The following CD2AP variants were observed in gnomAD, a reference collection of about 807,000 sequenced individuals.
CD2AP encodes CD2-associated protein.
In CD2AP, 46 loss-of-function variants were observed where a neutral mutation model predicts 85.1. The ratio of observed to expected loss-of-function variants is 0.54; its 90% CI spans 0.43 to 0.69. The LOEUF is 0.69. CD2AP is among the 30% of genes least tolerant of loss of function. CD2AP has a pLI of 0.00. For missense variants in CD2AP, 769 were observed against 729.5 expected, an observed-to-expected ratio of 1.05 and a Z score of -0.62; for synonymous variants, 255 against 252.9, an observed-to-expected ratio of 1.01 and a Z score of -0.08.
intron 17 of CD2AP, among the ~76,000 whole-genome samples, chr6:47,620,708 C>A (rs887624164): frequency 2.0e-5 from 3 of 152,022 alleles, no homozygotes; most frequent in African/African-American, 4.8e-5. Context: ...TTTGTGCTGT[C>A]TGTGATTTCT....
intron 4 of CD2AP, among the ~76,000 whole-genome samples, chr6:47,553,755 A>C (rs529731944): frequency 1.3e-5 from 2 of 152,262 alleles, no homozygotes; most frequent in African/African-American, 4.8e-5. Context: ...AAAATTTCAT[A>C]GAAATTGAGT....
At chr6:47,525,503 A>C (rs868635353) in intron 2 of CD2AP, among the ~76,000 whole-genome samples, 4 of 152,114 alleles carry the variant, frequency 2.6e-5, no homozygotes, top group African/African-American at 9.7e-5. Context: ...AGTCTATGGA[A>C]TACAAGTAAA....
chr6:47,526,595 G>A (rs1315660917), intron 2 of CD2AP, among the ~76,000 whole-genome samples: 1 of 152,112 alleles, frequency 6.6e-6, no homozygotes, highest in African/African-American at 2.4e-5. Context: ...CTTGAGCAAT[G>A]AATTCATATA....
chr6:47,551,168 C>T (rs918458187), intron 4 of CD2AP, among the ~76,000 whole-genome samples: 4 of 149,930 alleles, frequency 2.7e-5, no homozygotes, highest in Non-Finnish European at 5.9e-5. Flanking sequence ...CACCGGTTCC[C>T]CAATAACCTA....
chr6:47,478,491 T>G, intron 1 of CD2AP, among the ~76,000 whole-genome samples: 1 of 147,718 alleles, frequency 6.8e-6, no homozygotes, highest in Non-Finnish European at 1.5e-5. Context: ...CTTTTCCTGT[T>G]CACCAGAAAG....
At chr6:47,555,364 C>T (rs1767652983) in intron 5 of CD2AP, among the ~76,000 whole-genome samples, 1 of 150,926 alleles carries the variant, frequency 6.6e-6, no homozygotes, top group African/African-American at 2.4e-5. Flanking sequence ...TTTTTGTTTT[C>T]CAAAAGAGGT....
At chr6:47,578,149 C>A (rs1216243509) in intron 8 of CD2AP, among the ~76,000 whole-genome samples, 4 of 151,680 alleles carry the variant, frequency 2.6e-5, no homozygotes, top group Non-Finnish European at 5.9e-5. Context: ...ATTTTTCATG[C>A]AAGGGTGGTG....
rs1237412876 is a variant in CD2AP at position 47,606,291 on chromosome 6, A to C, written c.1530+14A>C. 1.4e-6 allele frequency: 2 copies of C among 1,415,220 alleles called. No homozygotes were observed. Among genetic ancestry groups the C allele is most frequent in the Non-Finnish European group, 2.0e-6 (2 of 998,568 alleles). 87.7% of individuals were successfully genotyped at this position (1,415,220 alleles called of 1,614,324 possible). On this transcript the variant is annotated intron_variant, in intron 14 of 17. Transcript: ENST00000359314. ...GGTGGACATTCTGTGAGTTCATCTA[A>C]TTGTCGTAAACTACAGTATATTTAG...
At chr6:47,505,593 C>T (rs914207091) in intron 2 of CD2AP, among the ~76,000 whole-genome samples, 6 of 133,390 alleles carry the variant, frequency 4.5e-5, no homozygotes, top group East Asian at 4.1e-4. Flanking sequence ...CCTCACCTCC[C>T]GGACGGGGCG....
At chr6:47,617,093 T>A (rs1258127843) in intron 17 of CD2AP, among the ~76,000 whole-genome samples, 1 of 152,182 alleles carries the variant, frequency 6.6e-6, no homozygotes, top group Non-Finnish European at 1.5e-5. Flanking sequence ...GCCTCCCAAG[T>A]AGCTGAGACT....
At chr6:47,509,120 A>G (rs150893957) in intron 2 of CD2AP, among the ~76,000 whole-genome samples, 43 of 152,242 alleles carry the variant, frequency 2.8e-4, no homozygotes, top group Non-Finnish European at 5.0e-4. Flanking sequence ...TTTCAGTATC[A>G]TTGTGTCTCA....
chr6:47,495,438 A>T (rs190502679), intron 1 of CD2AP, among the ~76,000 whole-genome samples: 1 of 152,132 alleles, frequency 6.6e-6, no homozygotes, highest in African/African-American at 2.4e-5. Context: ...CCCTGCTGAT[A>T]CCTTGATTTT....
In CD2AP at chr6:47,626,659, T is replaced by C. The variant is rs1769917272; in HGVS notation, c.*2432T>C. The stretch of plus-strand genomic sequence containing the variant: ...CTTCTACAGAATTTAAGTCTGAAGA[T>C]GTAAAGAGAGAACAGGCCTTGTGTA... On this transcript the variant is annotated 3_prime_UTR_variant, in exon 18 of 18. Coordinates refer to ENST00000359314, the MANE Select transcript of CD2AP (RefSeq NM_012120.3). 1 of 152,440 alleles carries C rather than the reference T, an allele frequency of 6.6e-6. No individual in the cohort carries two copies. The highest frequency in any genetic ancestry group is 1.5e-5 in the Non-Finnish European group (1 of 67,866). The allele number at this position is 152,440 out of a possible 1,614,324, so 9.4% of individuals were successfully genotyped here. A position where few individuals can be genotyped will look rare whatever the true frequency, so the allele number is the denominator to read the frequency against.
intron 13 of CD2AP, among the ~76,000 whole-genome samples, chr6:47,599,671 G>C (rs568470825): frequency 6.6e-6 from 1 of 151,994 alleles, no homozygotes; most frequent in South Asian, 2.1e-4. Context: ...ACTGATCAGA[G>C]GACTGAAATA....
chr6:47,584,099 GT>G (rs1247888476), intron 11 of CD2AP, among the ~76,000 whole-genome samples: 25 of 151,796 alleles, frequency 1.6e-4, no homozygotes, highest in Non-Finnish European at 1.0e-4. Flanking sequence ...TTTTATTCAG[GT>G]TTTTTTTCCT....
At chr6:47,512,138 A>G (rs1396746381) in intron 2 of CD2AP, among the ~76,000 whole-genome samples, 7 of 141,782 alleles carry the variant, frequency 4.9e-5, no homozygotes, top group Admixed American at 2.1e-4. Flanking sequence ...AGCCTGGGCA[A>G]CAGAGCGAGA....
At chr6:47,534,377 T>C (rs1382052168) in intron 3 of CD2AP, among the ~76,000 whole-genome samples, 1 of 152,182 alleles carries the variant, frequency 6.6e-6, no homozygotes. Flanking sequence ...CAGGTAATAT[T>C]GCTGTTCTCA....
chr6:47,599,150 T>A lies in CD2AP; in HGVS notation c.1275-151T>A. On this transcript the variant is annotated intron_variant, in intron 12 of 17. Coordinates refer to ENST00000359314, the MANE Select transcript of CD2AP (RefSeq NM_012120.3). Reference sequence around the variant, plus strand: ...ATTTTTTATTTTATTGTGATCAGCCTTAGGAGAGAGTTTTGCGTTTATGGA... The same window carrying A: ...ATTTTTTATTTTATTGTGATCAGCCATAGGAGAGAGTTTTGCGTTTATGGA... 6.8e-6 allele frequency: 4 copies of A among 592,236 alleles called. 1 individual carries two copies. In the South Asian group the frequency reaches 7.9e-5, roughly 12 times the overall value. 36.7% of individuals were successfully genotyped at this position (592,236 alleles called of 1,614,324 possible).
At position 47,531,370 on chromosome 6, in the gene CD2AP, CATTT is replaced by C. The variant is rs775306683; in HGVS notation, c.166-2228_166-2225del. Among the ~76,000 whole-genome samples, 233 of 152,066 alleles carry C rather than the reference CATTT, an allele frequency of 1.5e-3. 1 individual carries two copies. Among genetic ancestry groups the C allele is most frequent in the Middle Eastern group, 3.4e-3 (1 of 294 alleles). On this transcript the variant is annotated intron_variant, in intron 2 of 17. Coordinates refer to ENST00000359314, the MANE Select transcript of CD2AP (RefSeq NM_012120.3). ...AATACACAGAAACTGAAAGAAAAAACATTTATTCTTAATCAGAATTATTACTAAT... is the reference window on the plus strand; with the variant it reads ...AATACACAGAAACTGAAAGAAAAAACATTCTTAATCAGAATTATTACTAAT...
Sources: allele counts gnomAD v4.1 joint callset (sites outside exome capture counted in the v4.1 genomes callset), GRCh38; gene constraint gnomAD v4.1.1; transcripts MANE v1.5; gene names NCBI Gene and HGNC (gene_info 2026-07-23, HGNC 2026-07-21).